Variants in DLGAP2 observed in about 807,000 individuals in gnomAD.
DLGAP2 encodes the protein DLG associated protein 2, also known as disks large-associated protein 2.
Under a neutral mutation model 100.3 loss-of-function variants are expected in DLGAP2, and 26 were observed. That is an observed-to-expected ratio of 0.26 (90% CI 0.19 to 0.36). The LOEUF (loss-of-function observed/expected upper bound fraction) is 0.36. DLGAP2 is among the 10% of genes least tolerant of loss of function. The probability of loss-of-function intolerance (pLI) is 1.00; values close to 1 mark genes in which losing one functional copy is unlikely to be tolerated. For synonymous variants in DLGAP2, 886 were observed against 630.1 expected (o/e 1.41, Z -6.08); for missense variants, 1,858 against 1,453.2 (o/e 1.28, Z -4.53).
chr8:1,501,314 G>T, intron 3 of DLGAP2, 52 bp from the exon 4 acceptor site: 6 of 1,519,522 alleles, frequency 3.9e-6, no homozygotes, highest in Non-Finnish European at 4.4e-6. Context: ...GGGAATGACT[G>T]CAGTCTACAC....
At chr8:1,387,680 C>T (rs913107686) in intron 3 of DLGAP2, among the ~76,000 whole-genome samples, 2 of 152,102 alleles carry the variant, frequency 1.3e-5, no homozygotes, top group African/African-American at 4.8e-5. Flanking sequence ...AAGTTGGGTC[C>T]TGGGTTTTGG....
intron 10 of DLGAP2, among the ~76,000 whole-genome samples, chr8:1,672,961 C>T (rs1271317953): frequency 2.0e-5 from 3 of 152,220 alleles, no homozygotes; most frequent in African/African-American, 7.2e-5. Flanking sequence ...GCTGCCAGCC[C>T]CGCCCACTTT....
intron 6 of DLGAP2, among the ~76,000 whole-genome samples, chr8:1,602,136 A>T (rs1453588010): frequency 2.0e-5 from 3 of 152,190 alleles, no homozygotes; most frequent in East Asian, 3.9e-4. Context: ...GAGTGAATGT[A>T]TATGTTCTTA....
intron 3 of DLGAP2, among the ~76,000 whole-genome samples, chr8:1,322,533 C>T (rs1380498276): frequency 1.3e-5 from 2 of 151,910 alleles, no homozygotes; most frequent in Non-Finnish European, 1.5e-5. Flanking sequence ...ATGCATGCAC[C>T]CACCCAGCGT....
At chr8:1,426,768 A>C (rs1797249255) in intron 3 of DLGAP2, among the ~76,000 whole-genome samples, 2 of 152,246 alleles carry the variant, frequency 1.3e-5, no homozygotes, top group African/African-American at 4.8e-5. Context: ...CACGTCTTGA[A>C]GAAAAATAAA....
chr8:1,043,372 G>A (rs898093571), intron 2 of DLGAP2, among the ~76,000 whole-genome samples: 117 of 150,184 alleles, frequency 7.8e-4, no homozygotes, highest in Non-Finnish European at 1.5e-3. Flanking sequence ...GGTGGTGGAC[G>A]TGGCTGGCAG....
intron 2 of DLGAP2, among the ~76,000 whole-genome samples, chr8:1,156,185 T>C (rs1796781301): frequency 6.6e-6 from 1 of 152,126 alleles, no homozygotes; most frequent in Non-Finnish European, 1.5e-5. Context: ...GGGCTGCAGC[T>C]CTCAGACCCT....
intron 3 of DLGAP2, among the ~76,000 whole-genome samples, chr8:1,478,358 A>T (rs187818594): frequency 1.8e-3 from 276 of 152,294 alleles, no homozygotes; most frequent in Middle Eastern, 3.4e-3. Context: ...CTCATGTGAG[A>T]CGTGGTGTGT....
chr8:1,227,219 A>T (rs913143205), intron 2 of DLGAP2, among the ~76,000 whole-genome samples: 2 of 131,486 alleles, frequency 1.5e-5, no homozygotes, highest in African/African-American at 7.3e-5. Flanking sequence ...TGTTATATAT[A>T]TATTTGTTTT....
intron 3 of DLGAP2, among the ~76,000 whole-genome samples, chr8:1,327,278 G>A (rs1801043846): frequency 6.6e-6 from 1 of 152,180 alleles, no homozygotes; most frequent in Admixed American, 6.5e-5. Context: ...GGATGTGATG[G>A]GCCCACCCTC....
chr8:855,164 A>T (rs1404928710), intron 1 of DLGAP2, among the ~76,000 whole-genome samples: 1 of 152,210 alleles, frequency 6.6e-6, no homozygotes, highest in Non-Finnish European at 1.5e-5. Context: ...AAACGTGGGC[A>T]CGAAGATTTT....
intron 6 of DLGAP2, among the ~76,000 whole-genome samples, chr8:1,592,003 A>T (rs909009308): frequency 1.3e-5 from 2 of 152,168 alleles, no homozygotes; most frequent in Non-Finnish European, 2.9e-5. Context: ...ATCTAGCTTC[A>T]TGCCTCCTGC....
chr8:1,357,095 A>G (rs926587858), intron 3 of DLGAP2, among the ~76,000 whole-genome samples: 4 of 150,996 alleles, frequency 2.6e-5, no homozygotes, highest in African/African-American at 4.8e-5. Flanking sequence ...ATTAAAGCAG[A>G]TGAGCCACCC....
chr8:1,288,798 A>G (rs1227946888), intron 3 of DLGAP2, among the ~76,000 whole-genome samples: 1 of 150,956 alleles, frequency 6.6e-6, no homozygotes, highest in East Asian at 2.0e-4. Context: ...GGTTGTTAGG[A>G]GGGGAACTAG....
chr8:1,532,646 T>G (rs1263215071), intron 4 of DLGAP2, among the ~76,000 whole-genome samples: 1 of 152,256 alleles, frequency 6.6e-6, no homozygotes, highest in Non-Finnish European at 1.5e-5. Context: ...ATTTTAATTT[T>G]TAATGTATGT....
At chr8:985,244 T>C (rs1167722873) in intron 2 of DLGAP2, among the ~76,000 whole-genome samples, 1 of 152,136 alleles carries the variant, frequency 6.6e-6, no homozygotes, top group East Asian at 1.9e-4. Context: ...CTGGCTCAGC[T>C]CTCCACACCC....
chr8:1,353,696 G>T (rs998187692), intron 3 of DLGAP2, among the ~76,000 whole-genome samples: 1 of 152,138 alleles, frequency 6.6e-6, no homozygotes, highest in Admixed American at 6.5e-5. Flanking sequence ...GCATGAAAAT[G>T]AATTAGGAAT....
intron 2 of DLGAP2, among the ~76,000 whole-genome samples, chr8:1,193,455 G>C (rs1198682999): frequency 4.6e-5 from 7 of 152,118 alleles, no homozygotes; most frequent in African/African-American, 1.7e-4. Context: ...GTGTCTTTTG[G>C]CTACATAAAT....
chr8:1,191,422 A>G (rs191733949), intron 2 of DLGAP2, among the ~76,000 whole-genome samples: 4,282 of 152,246 alleles, frequency 0.028, 82 homozygotes, highest in African/African-American at 0.047. Context: ...TGCCCGCCTC[A>G]GCCTCCCAAA....
Sources: allele counts gnomAD v4.1 joint callset (sites outside exome capture counted in the v4.1 genomes callset), GRCh38; gene constraint gnomAD v4.1.1; transcripts MANE v1.5; gene names NCBI Gene and HGNC (gene_info 2026-07-23, HGNC 2026-07-21).